The following CLCNKB variants were observed in gnomAD, a reference collection of about 807,000 sequenced individuals.
CLCNKB encodes chloride voltage-gated channel Kb.
In CLCNKB, 74 loss-of-function variants were observed where a neutral mutation model predicts 83.8. The ratio of observed to expected loss-of-function variants is 0.88; its 90% CI spans 0.73 to 1.07. CLCNKB has a LOEUF of 1.07. CLCNKB is among the 50% of genes least tolerant of loss of function. The pLI, the probability that CLCNKB is intolerant of heterozygous loss-of-function variation, is 0.00. For synonymous variants in CLCNKB, 358 were observed against 356.6 expected (o/e 1.00, Z -0.04); for missense variants, 798 against 893.6 (o/e 0.89, Z 1.36).
rs1214974456 is a variant in CLCNKB, at chr1:16,044,555, G to A, written c.63G>A (p.Leu21=). 4 of 1,606,562 alleles carry A rather than the reference G, an allele frequency of 2.5e-6. No individual in the cohort carries two copies. Among genetic ancestry groups the A allele is most frequent in the Non-Finnish European group, 2.5e-6 (3 of 1,177,318 alleles). Residue 21 remains leucine (L), a synonymous_variant, in exon 2 of 20, where the codon CTG becomes CTA. Coordinates refer to ENST00000375679, the MANE Select transcript of CLCNKB (RefSeq NM_000085.5). ...GGAACCCTGTGACTCTGCAGGAGCTGTGGGGCCCCTGTCCCCGCATCCGCC... is the reference window on the plus strand; with the variant it reads ...GGAACCCTGTGACTCTGCAGGAGCTATGGGGCCCCTGTCCCCGCATCCGCC... ...SSGNPVTLQE[L]WGPCPRIRRG...
Position 16,052,289 on chromosome 1 carries a change from C to T in CLCNKB, c.1500C>T (p.Pro500=), listed in dbSNP as rs779635426. Residue 500 remains proline, a synonymous_variant, in exon 15 of 20, where the codon CCC becomes CCT. Transcript: ENST00000375679. ...EVTGQIVHAL[P]VLMAVLAANA... ...CCGGCCAGATAGTGCATGCACTGCC[C>T]GTGCTGATGGCGGTGCTGGCAGCCA... The T allele has an allele frequency of 3.0e-5, 49 of 1,613,222 alleles. No homozygotes were observed. The African/African-American group carries it at 3.7e-4, about 12-fold the overall frequency.
chr1:16,049,811 C>T lies in CLCNKB; in HGVS notation c.867-4C>T. On this transcript the variant is annotated splice_polypyrimidine_tract_variant and splice_region_variant and intron_variant, in intron 9 of 19. Coordinates refer to ENST00000375679, the MANE Select transcript of CLCNKB (RefSeq NM_000085.5). ...CTCTGGGCTCATGTCTCCATGCTCC[C>T]CAGGGGTCTCTGTGGCATCCTGGGC... The T allele has an allele frequency of 1.2e-6, 2 of 1,613,860 alleles. No individual in the cohort carries two copies. Among genetic ancestry groups the T allele is most frequent in the Non-Finnish European group, 1.7e-6 (2 of 1,179,888 alleles).
chr1:16,047,917 C>G lies in CLCNKB; in HGVS notation c.371C>G (p.Pro124Arg), dbSNP rs121909131. The change falls in exon 5 of 20, where the codon CCG becomes CGG. Residue 124 changes from proline to arginine, a missense_variant. Physicochemically the swap from Pro to Arg is moderately radical, Grantham distance 103. Coordinates refer to ENST00000375679, the MANE Select transcript of CLCNKB (RefSeq NM_000085.5). ...ITPSSGGSGI[P>R]EVKTMLAGVV... ...CACCCCCGCCAAGGTTCTGGAATCCCGGAGGTGAAGACCATGTTGGCGGGT... is the reference window on the plus strand; with the variant it reads ...CACCCCCGCCAAGGTTCTGGAATCCGGGAGGTGAAGACCATGTTGGCGGGT... The G allele has an allele frequency of 1.2e-6, 2 of 1,613,766 alleles. No individual in the cohort carries two copies. Among genetic ancestry groups the G allele is most frequent in the Non-Finnish European group, 8.5e-7 (1 of 1,180,020 alleles).
At chr1:16,053,495 C>T (rs2023354304) in intron 15 of CLCNKB, 144 bp from the exon 16 acceptor site, 3 of 1,196,670 alleles carry the variant, frequency 2.5e-6, no homozygotes, top group Admixed American at 3.9e-5. Context: ...TCTAGGAGTC[C>T]CTCATTCCAG....
intron 7 of CLCNKB, 50 bp from the exon 8 acceptor site, chr1:16,049,070 C>G (rs1447112651): frequency 1.9e-6 from 3 of 1,613,318 alleles, no homozygotes; most frequent in Non-Finnish European, 2.5e-6. Context: ...GTCCTACAGT[C>G]ACAGGTGGGT....
chr1:16,056,279 T>C (rs1441122778), intron 18 of CLCNKB, 143 bp from the exon 19 acceptor site: 8 of 886,734 alleles, frequency 9.0e-6, no homozygotes, highest in African/African-American at 6.6e-5. Flanking sequence ...AGTGGCCACA[T>C]TGGACATTGC....
intron 3 of CLCNKB, among the ~76,000 whole-genome samples, 154 bp from the exon 4 acceptor site, chr1:16,046,381 C>T (rs1009489355): frequency 1.3e-5 from 2 of 152,118 alleles, no homozygotes; most frequent in Admixed American, 1.3e-4. Context: ...CAGGGTCGTA[C>T]TCCTGCCTCT....
At position 16,048,285 on chromosome 1, in the gene CLCNKB, GGGTGA is replaced by G. The variant is rs746878853; in HGVS notation, c.499-56_499-52del. ...GTTGGGGGGAAGCCGTGCTGACTCT[GGGTGA>G]GACCGTCTCTGCTGCCCTCACCTGG... On this transcript the variant is annotated intron_variant, in intron 5 of 19. Coordinates refer to ENST00000375679, the MANE Select transcript of CLCNKB (RefSeq NM_000085.5). The G allele has an allele frequency of 2.9e-3, 4,708 of 1,598,954 alleles. 18 individuals carry two copies. Among genetic ancestry groups the G allele is most frequent in the Non-Finnish European group, 3.6e-3 (4,231 of 1,167,482 alleles).
rs761747388 is a variant in CLCNKB at position 16,052,336 on chromosome 1, A to G, written c.1547A>G (p.Gln516Arg). 1 of 1,613,180 alleles carries G rather than the reference A, an allele frequency of 6.2e-7. No homozygotes were observed. Among genetic ancestry groups the G allele is most frequent in the Non-Finnish European group, 8.5e-7 (1 of 1,180,040 alleles). Residue 516 changes from glutamine to arginine, a missense_variant, in exon 15 of 20, where the codon CAG (glutamine) becomes CGG (arginine). By Grantham distance (43) the Gln-to-Arg change is conservative. Transcript: ENST00000375679. ...GCCAACGCCATTGCACAGAGCTGCC[A>G]GCCCTCCTTCTATGATGGCACCGTC... ...LAANAIAQSCQPSFYDGTVIV... is the reference protein window; with the variant it reads ...LAANAIAQSCRPSFYDGTVIV...
At position 16,049,215 on chromosome 1, in the gene CLCNKB, C is replaced by T. The variant is rs376461684; in HGVS notation, c.751C>T (p.Arg251Trp). 1.3e-5 allele frequency: 21 copies of T among 1,613,676 alleles called. No individual in the cohort carries two copies. The Middle Eastern group carries it at 5.1e-4, about 39-fold the overall frequency. The change falls in exon 8 of 20, where the codon CGG becomes TGG. Residue 251 changes from arginine (R) to tryptophan (W), a missense_variant. Transcript: ENST00000375679. ...GGCCACCTGCGGGGCCTTCATGTTC[C>T]GGCTCCTGGCGGTCTTCAACAGCGA... ...FAATCGAFMF[R>W]LLAVFNSEQE...
Position 16,055,442 on chromosome 1 carries a change from G to C in CLCNKB, c.1764G>C (p.Gln588His), listed in dbSNP as rs765870330. 10 of 1,613,000 alleles carry C rather than the reference G, an allele frequency of 6.2e-6. No individual in the cohort carries two copies. In the African/African-American group the frequency reaches 1.2e-4, roughly 19 times the overall value. ...TGTCTCTCCACTTGCCAGAGTCCCAGATCCTGGTGGGCATAGTGCGAAGGG... is the reference window on the plus strand; with the variant it reads ...TGTCTCTCCACTTGCCAGAGTCCCACATCCTGGTGGGCATAGTGCGAAGGG... ...KYPLVESTES[Q>H]ILVGIVRRAQ... The change falls in exon 17 of 20, where the codon CAG becomes CAC. Residue 588 changes from glutamine to histidine, a missense_variant. Coordinates refer to ENST00000375679, the MANE Select transcript of CLCNKB (RefSeq NM_000085.5).
chr1:16,048,928 C>A lies in CLCNKB; in HGVS notation c.656-192C>A, dbSNP rs530836325. ...AGAGGGCGCACACCCGCATTCCAGG[C>A]TGGACGGGTCTCTGGGCAGCGGGCT... On this transcript the variant is annotated intron_variant, in intron 7 of 19. Transcript: ENST00000375679. The A allele has an allele frequency of 1.2e-5, 17 of 1,465,110 alleles. No individual in the cohort carries two copies. In the African/African-American group the frequency reaches 2.3e-4, roughly 20 times the overall value. 90.8% of individuals were successfully genotyped at this position (1,465,110 alleles called of 1,614,324 possible).
At position 16,050,485 on chromosome 1, in the gene CLCNKB, G is replaced by A. The variant is rs201486977; in HGVS notation, c.969-31G>A. On this transcript the variant is annotated intron_variant, in intron 10 of 19. Transcript: ENST00000375679. ...CTCCTTGGGATGTGGGAAAGGGAGGGCCAGCCCTAGAGCCCACCCATCCCC... is the reference window on the plus strand; with the variant it reads ...CTCCTTGGGATGTGGGAAAGGGAGGACCAGCCCTAGAGCCCACCCATCCCC... 68 of 1,611,012 alleles carry A rather than the reference G, an allele frequency of 4.2e-5. No individual in the cohort carries two copies. In the East Asian group the frequency reaches 1.4e-3, roughly 33 times the overall value.
intron 4 of CLCNKB, among the ~76,000 whole-genome samples, chr1:16,047,530 C>A (rs2023136837): frequency 6.6e-6 from 1 of 152,132 alleles, no homozygotes; most frequent in South Asian, 2.1e-4. Context: ...AATCCCAGCA[C>A]TTTGGGAGGC....
chr1:16,049,136 C>T lies in CLCNKB; in HGVS notation c.672C>T (p.Ile224=), dbSNP rs145944137. The change falls in exon 8 of 20, where the codon ATC becomes ATT. Residue 224 remains isoleucine, a synonymous_variant. Transcript: ENST00000375679. ...AAPFSGVLFS[I]EVMSSHFSVW... is the part of the protein sequence containing the mutation. The stretch of plus-strand genomic sequence containing the variant: ...CGCCCCCAGGCGTCCTGTTCAGCAT[C>T]GAGGTCATGTCTTCCCACTTCTCTG... 120 of 1,613,518 alleles carry T rather than the reference C, an allele frequency of 7.4e-5. No individual in the cohort carries two copies. In the African/African-American group the frequency reaches 1.4e-3, roughly 19 times the overall value.
At chr1:16,051,678 C>T (rs529329163) in intron 13 of CLCNKB, 32 bp from the exon 14 acceptor site, 2 of 1,609,004 alleles carry the variant, frequency 1.2e-6, no homozygotes, top group South Asian at 2.2e-5. Context: ...CCGGGTCAGC[C>T]TGGCTCCCCC....
At chr1:16,049,960 C>G (rs747502186) in intron 10 of CLCNKB, 44 bp downstream of exon 10, 3 of 1,195,934 alleles carry the variant, frequency 2.5e-6, no homozygotes, top group Non-Finnish European at 3.3e-6. Flanking sequence ...GCGAGCTCCC[C>G]CCTCACCGTA....
Position 16,055,860 on chromosome 1 carries a change from C to T in CLCNKB, c.1929+102C>T, listed in dbSNP as rs2023422239. 2.8e-6 allele frequency: 3 copies of T among 1,055,104 alleles called. No homozygotes were observed. In the Admixed American group the frequency reaches 5.8e-5, roughly 21 times the overall value. 65.4% of individuals were successfully genotyped at this position (1,055,104 alleles called of 1,614,324 possible). ...GCCTCCCCTCCCAACCCCGCCCTGC[C>T]CGTCTTATGCTGCTTCCTGCTCCTC... is the stretch of plus-strand genomic sequence containing the variant. On this transcript the variant is annotated intron_variant, in intron 18 of 19. Coordinates refer to ENST00000375679, the MANE Select transcript of CLCNKB (RefSeq NM_000085.5).
intron 2 of CLCNKB, 69 bp from the exon 3 acceptor site, chr1:16,045,488 AG>A (rs1368434730): frequency 4.5e-5 from 71 of 1,584,522 alleles, no homozygotes; most frequent in Non-Finnish European, 5.9e-5. Flanking sequence ...GAAGCCCAGC[AG>A]GCCTCCAAGG....
Sources: gnomAD v4.1 joint callset for allele counts (sites outside exome capture counted in the v4.1 genomes callset) on GRCh38, gnomAD v4.1.1 for gene constraint, MANE v1.5 for transcripts, NCBI Gene and HGNC (gene_info 2026-07-23, HGNC 2026-07-21) for gene names.